The following KLHL1 variants were observed in gnomAD, a reference collection of about 807,000 sequenced individuals.
The protein encoded by KLHL1 is kelch like family member 1, also known as kelch-like protein 1.
KLHL1 carries 47 observed loss-of-function variants against 77.7 expected under a neutral mutation model. The observed-to-expected ratio is 0.60, with a 90% CI of 0.48 to 0.77. KLHL1 has a LOEUF of 0.77. Ranked by LOEUF, KLHL1 falls within the 30% of genes least tolerant of loss-of-function variation. KLHL1 has a pLI of 0.00. For synonymous variants in KLHL1, 360 were observed against 325.2 expected, an observed-to-expected ratio of 1.11 and a Z score of -1.15; for missense variants, 925 against 910.8, an observed-to-expected ratio of 1.02 and a Z score of -0.20.
At chr13:69,860,180 G>A (rs1488186366) in intron 5 of KLHL1, among the ~76,000 whole-genome samples, 2 of 151,998 alleles carry the variant, frequency 1.3e-5, no homozygotes, top group African/African-American at 4.8e-5. Flanking sequence ...TTAATCTTCA[G>A]TACTACACTA....
intron 9 of KLHL1, among the ~76,000 whole-genome samples, chr13:69,715,543 C>T (rs531490293): frequency 2.8e-4 from 41 of 148,860 alleles, no homozygotes; most frequent in Middle Eastern, 3.4e-3. Context: ...TTTTTTGAGA[C>T]GGAATCTCGC....
At chr13:69,998,936 C>G (rs1416785253) in intron 1 of KLHL1, among the ~76,000 whole-genome samples, 2 of 151,908 alleles carry the variant, frequency 1.3e-5, no homozygotes, top group African/African-American at 4.8e-5. Context: ...CTTTGACTTC[C>G]CACATGACGT....
At chr13:69,903,137 T>C (rs1264762904) in intron 4 of KLHL1, among the ~76,000 whole-genome samples, 1 of 152,148 alleles carries the variant, frequency 6.6e-6, no homozygotes, top group African/African-American at 2.4e-5. Context: ...CAGCCATGTC[T>C]GGGTGAGGGA....
intron 7 of KLHL1, among the ~76,000 whole-genome samples, chr13:69,754,015 G>T (rs146035272): frequency 1.6e-4 from 24 of 146,954 alleles, no homozygotes; most frequent in Admixed American, 4.1e-4. Context: ...TTTTTTTTTT[G>T]TTTTTAGTAG....
intron 1 of KLHL1, among the ~76,000 whole-genome samples, chr13:69,993,195 G>A (rs1285184574): frequency 6.6e-6 from 1 of 152,082 alleles, no homozygotes; most frequent in Non-Finnish European, 1.5e-5. Context: ...CAATGAATGA[G>A]ATATAGGGTT....
intron 6 of KLHL1, among the ~76,000 whole-genome samples, chr13:69,826,104 A>G (rs1878535337): frequency 6.6e-6 from 1 of 152,206 alleles, no homozygotes; most frequent in Non-Finnish European, 1.5e-5. Context: ...TCACTTTTGC[A>G]TAGGAGCTAA....
intron 4 of KLHL1, among the ~76,000 whole-genome samples, chr13:69,927,530 C>G (rs906477146): frequency 1.6e-4 from 24 of 152,142 alleles, no homozygotes; most frequent in African/African-American, 5.5e-4. Context: ...AGATTTATAT[C>G]TAGAATATTT....
At chr13:70,096,779 G>T (rs565424193) in intron 1 of KLHL1, among the ~76,000 whole-genome samples, 5 of 151,748 alleles carry the variant, frequency 3.3e-5, no homozygotes, top group Admixed American at 2.6e-4. Flanking sequence ...TTTCCAGATA[G>T]TCTTAAAGGA....
At chr13:70,059,377 C>T (rs922073872) in intron 1 of KLHL1, among the ~76,000 whole-genome samples, 2 of 151,996 alleles carry the variant, frequency 1.3e-5, no homozygotes, top group African/African-American at 4.8e-5. Context: ...ATCATGTTGG[C>T]CAGGCTGGTC....
chr13:70,033,261 G>T (rs1351686893), intron 1 of KLHL1, among the ~76,000 whole-genome samples: 1 of 151,948 alleles, frequency 6.6e-6, no homozygotes. Context: ...CTGCTGTTAG[G>T]CTTCTAATAA....
chr13:69,899,409 G>C (rs73212535), intron 4 of KLHL1, among the ~76,000 whole-genome samples: 8 of 152,232 alleles, frequency 5.3e-5, no homozygotes, highest in Non-Finnish European at 1.0e-4. Flanking sequence ...GTGTGGCAAG[G>C]TCATCCTCTG....
At chr13:69,882,731 G>A (rs73508484) in intron 4 of KLHL1, among the ~76,000 whole-genome samples, 1,783 of 152,244 alleles carry the variant, frequency 0.012, 44 homozygotes, top group African/African-American at 0.041. Context: ...ATAATGCTGA[G>A]CTTTGTTATG....
chr13:70,001,480 T>A (rs1005320524), intron 1 of KLHL1, among the ~76,000 whole-genome samples: 1 of 151,186 alleles, frequency 6.6e-6, no homozygotes, highest in African/African-American at 2.4e-5. Flanking sequence ...ATAAAATGGA[T>A]TATATAACTT....
intron 1 of KLHL1, among the ~76,000 whole-genome samples, chr13:70,031,138 T>G: frequency 6.6e-6 from 1 of 152,060 alleles, no homozygotes; most frequent in East Asian, 1.9e-4. Context: ...AGATGTTAGC[T>G]TTATCCAATA....
At chr13:69,799,870 C>T (rs1488919270) in intron 6 of KLHL1, among the ~76,000 whole-genome samples, 1 of 152,118 alleles carries the variant, frequency 6.6e-6, no homozygotes, top group Non-Finnish European at 1.5e-5. Flanking sequence ...GAGCGGCACC[C>T]CGAGCTCCAC....
intron 4 of KLHL1, among the ~76,000 whole-genome samples, chr13:69,914,944 A>C (rs1395717287): frequency 1.3e-5 from 2 of 152,190 alleles, no homozygotes; most frequent in Non-Finnish European, 2.9e-5. Flanking sequence ...CAAGAGAAAT[A>C]CACATGTAAA....
intron 9 of KLHL1, among the ~76,000 whole-genome samples, chr13:69,711,982 AT>A (rs908820447): frequency 2.6e-5 from 4 of 151,744 alleles, no homozygotes; most frequent in African/African-American, 7.3e-5. Flanking sequence ...CCATCCAATC[AT>A]TTTTTTTCCC....
intron 1 of KLHL1, among the ~76,000 whole-genome samples, chr13:70,009,817 C>A (rs942354588): frequency 6.6e-6 from 1 of 151,464 alleles, no homozygotes; most frequent in Non-Finnish European, 1.5e-5. Flanking sequence ...TAGTAATAAA[C>A]AAAAGACAAA....
At chr13:69,946,557 G>A (rs1883531579) in intron 3 of KLHL1, among the ~76,000 whole-genome samples, 1 of 151,728 alleles carries the variant, frequency 6.6e-6, no homozygotes. Flanking sequence ...CTGTCATCTG[G>A]GCTGAAGGGC....
Sources: allele counts gnomAD v4.1 joint callset (sites outside exome capture counted in the v4.1 genomes callset), GRCh38; gene constraint gnomAD v4.1.1; transcripts MANE v1.5; gene names NCBI Gene and HGNC (gene_info 2026-07-23, HGNC 2026-07-21).